The following GLI3 variants were observed in gnomAD, a reference collection of about 807,000 sequenced individuals.
The protein encoded by GLI3 is GLI family zinc finger 3, also known as transcription activator GLI3.
A neutral mutation model predicts 100.8 loss-of-function variants in GLI3; 20 were observed. The observed-to-expected ratio is 0.20, with a 90% CI of 0.14 to 0.29. The LOEUF (loss-of-function observed/expected upper bound fraction) is 0.29. GLI3 is among the 10% of genes least tolerant of loss of function. The probability of loss-of-function intolerance (pLI) is 1.00; values close to 1 mark genes in which losing one functional copy is unlikely to be tolerated. For missense variants in GLI3, 2,040 were observed against 2,128.5 expected, an observed-to-expected ratio of 0.96 and a Z score of 0.82; for synonymous variants, 938 against 860.5, an observed-to-expected ratio of 1.09 and a Z score of -1.58.
At chr7:41,977,933 GT>G (rs1318260242) in intron 11 of GLI3, 2 of 580,244 alleles carry the variant, frequency 3.4e-6, no homozygotes, top group Non-Finnish European at 3.0e-6. Context: ...GCCAGTAAAA[GT>G]CCTGAAGTTT....
intron 10 of GLI3, among the ~76,000 whole-genome samples, chr7:42,002,115 G>A (rs1399572909): frequency 2.0e-5 from 3 of 151,936 alleles, no homozygotes; most frequent in Non-Finnish European, 2.9e-5. Flanking sequence ...GGGAAGAATT[G>A]AGAGGGCACA....
chr7:42,033,722 T>C (rs1789359744), intron 7 of GLI3, among the ~76,000 whole-genome samples: 1 of 152,226 alleles, frequency 6.6e-6, no homozygotes, highest in African/African-American at 2.4e-5. Context: ...AGAACCATTT[T>C]TTTTTTCCAG....
chr7:42,198,562 T>C (rs547385582), intron 2 of GLI3, among the ~76,000 whole-genome samples: 7 of 152,254 alleles, frequency 4.6e-5, no homozygotes, highest in Non-Finnish European at 8.8e-5. Context: ...CTGTTTATTT[T>C]CCAAACACCC....
At chr7:42,114,118 T>A in intron 3 of GLI3, among the ~76,000 whole-genome samples, 1 of 152,222 alleles carries the variant, frequency 6.6e-6, no homozygotes, top group East Asian at 1.9e-4. Context: ...AGAGCAGTGG[T>A]TCCGTTTCTA....
intron 10 of GLI3, among the ~76,000 whole-genome samples, chr7:41,989,075 G>A (rs1379098626): frequency 2.6e-5 from 4 of 152,176 alleles, no homozygotes; most frequent in Admixed American, 1.3e-4. Flanking sequence ...TTTAAATATC[G>A]ACTTTGTTTC....
chr7:42,146,182 T>C (rs1786704028), intron 3 of GLI3, among the ~76,000 whole-genome samples: 1 of 152,166 alleles, frequency 6.6e-6, no homozygotes, highest in Admixed American at 6.5e-5. Context: ...TAACACTGAT[T>C]TGGACAATAT....
At chr7:42,231,657 A>C (rs1477844996) in intron 1 of GLI3, among the ~76,000 whole-genome samples, 1 of 152,296 alleles carries the variant, frequency 6.6e-6, no homozygotes. Context: ...TAAGGCTTCA[A>C]TCTTAAGCTG....
At chr7:42,059,676 C>T (rs1191052770) in intron 4 of GLI3, among the ~76,000 whole-genome samples, 1 of 152,128 alleles carries the variant, frequency 6.6e-6, no homozygotes, top group East Asian at 1.9e-4. Flanking sequence ...GTTGAATGGG[C>T]GATGGAGAGC....
chr7:42,071,984 A>G (rs576413131), intron 4 of GLI3, among the ~76,000 whole-genome samples: 99 of 151,980 alleles, frequency 6.5e-4, no homozygotes, highest in African/African-American at 1.8e-3. Context: ...TCAACAAAGA[A>G]AAAAAAAGGG....
At chr7:42,137,264 C>T (rs1250083409) in intron 3 of GLI3, among the ~76,000 whole-genome samples, 3 of 152,184 alleles carry the variant, frequency 2.0e-5, no homozygotes, top group Admixed American at 6.5e-5. Flanking sequence ...AAGTCACCTC[C>T]CTGATTCCAC....
At position 41,965,989 on chromosome 7, in the gene GLI3, G is replaced by C; in HGVS notation, c.3084C>G (p.Ser1028Arg). Reference protein sequence around the residue: ...LPRVPRFSSLSSCNPPAMATS... With the variant: ...LPRVPRFSSLRSCNPPAMATS... ...TGGCCATCGCCGGGGGGTTGCAGCT[G>C]CTGAGGCTGCTGAAGCGCGGCACAC... The change falls in exon 15 of 15, where the codon AGC becomes AGG. Residue 1028 changes from serine (S) to arginine (R), a missense_variant. Around this residue, in one of 5 missense-constraint regions of GLI3, gnomAD observed 1,041 missense variants for 924.0 expected, o/e 1.13. Transcript: ENST00000395925. 6.2e-7 allele frequency: 1 copy of C among 1,604,466 alleles called. No individual in the cohort carries two copies. The highest frequency in any genetic ancestry group is 1.1e-5 in the South Asian group (1 of 90,986).
chr7:42,121,411 A>G (rs1324932868), intron 3 of GLI3, among the ~76,000 whole-genome samples: 4 of 152,232 alleles, frequency 2.6e-5, no homozygotes, highest in African/African-American at 9.6e-5. Flanking sequence ...CAAATAGGCA[A>G]AAGTTTGGTG....
chr7:42,195,400 C>T (rs1248625846), intron 2 of GLI3, among the ~76,000 whole-genome samples: 3 of 152,194 alleles, frequency 2.0e-5, no homozygotes, highest in South Asian at 4.1e-4. Context: ...GCTTGATATA[C>T]AAGGTTCCCT....
rs1787033300 is a variant in GLI3, at chr7:41,962,379, A to G, written c.*1951T>C. 2 of 152,250 alleles carry G rather than the reference A, an allele frequency of 1.3e-5. No individual in the cohort carries two copies. Among genetic ancestry groups the G allele is most frequent in the Non-Finnish European group, 2.9e-5 (2 of 68,036 alleles). The allele number at this position is 152,250 out of a possible 1,614,324, so 9.4% of individuals were successfully genotyped here. On this transcript the variant is annotated 3_prime_UTR_variant, in exon 15 of 15. Transcript: ENST00000395925. Reference sequence around the variant, plus strand: ...GTGACAACATTATGCCTTGTTTCAGAAACACAGAGAAAGTCTTGCTTTTTC... The same window carrying G: ...GTGACAACATTATGCCTTGTTTCAGGAACACAGAGAAAGTCTTGCTTTTTC...
At chr7:42,016,466 C>T (rs1277374717) in intron 10 of GLI3, among the ~76,000 whole-genome samples, 3 of 152,200 alleles carry the variant, frequency 2.0e-5, no homozygotes, top group Non-Finnish European at 4.4e-5. Context: ...AATATCTTGA[C>T]ATTTTTCTCT....
In GLI3 at chr7:41,964,639, C is replaced by T; in HGVS notation, c.4434G>A (p.Glu1478=). 1.9e-6 allele frequency: 3 copies of T among 1,614,140 alleles called. No homozygotes were observed. The highest frequency in any genetic ancestry group is 1.3e-5 in the African/African-American group (1 of 75,070). The change falls in exon 15 of 15, where the codon GAG becomes GAA. Residue 1478 remains glutamate, a synonymous_variant. Transcript: ENST00000395925. Reference sequence around the variant, plus strand: ...CCTGATTAGCACCTGGGGAAAGTAACTCAGAGTTTTTGGCGCTGGTCCCCT... The same window carrying T: ...CCTGATTAGCACCTGGGGAAAGTAATTCAGAGTTTTTGGCGCTGGTCCCCT... The part of the protein sequence containing the change: ...LLQGTSAKNS[E]LLSPGANQVT...
At chr7:42,000,895 C>G (rs1160949163) in intron 10 of GLI3, among the ~76,000 whole-genome samples, 2 of 152,038 alleles carry the variant, frequency 1.3e-5, no homozygotes, top group Non-Finnish European at 2.9e-5. Context: ...TAAACCAGAC[C>G]TGAACTTCAC....
upstream of GLI3, among the ~76,000 whole-genome samples, chr7:42,239,884 G>T (rs1044848517): frequency 6.6e-6 from 1 of 152,204 alleles, no homozygotes; most frequent in South Asian, 2.1e-4. Flanking sequence ...CTGAGTGTGG[G>T]TTAAATAATG....
chr7:41,965,607 T>A lies in GLI3; in HGVS notation c.3466A>T (p.Thr1156Ser), dbSNP rs780349828. The change falls in exon 15 of 15, where the codon ACC (threonine) becomes TCC (serine). Residue 1156 changes from threonine (T) to serine (S), a missense_variant. Thr to Ser is a moderately conservative substitution (Grantham distance 58). Around this residue, in one of 5 missense-constraint regions of GLI3, gnomAD observed 1,041 missense variants for 924.0 expected, o/e 1.13. Transcript: ENST00000395925. ...LEQPCPEGSKTDLPIQWNEVS... is the reference protein window; with the variant it reads ...LEQPCPEGSKSDLPIQWNEVS... The stretch of plus-strand genomic sequence containing the variant: ...TCGTTCCACTGAATGGGCAGGTCGG[T>A]TTTGCTGCCCTCGGGGCAGGGCTGC... The A allele has an allele frequency of 1.2e-6, 2 of 1,607,034 alleles. No homozygotes were observed. Among genetic ancestry groups the A allele is most frequent in the Non-Finnish European group, 1.7e-6 (2 of 1,174,574 alleles).
Sources: gnomAD v4.1 joint callset for allele counts (sites outside exome capture counted in the v4.1 genomes callset) on GRCh38, gnomAD v4.1.1 for gene constraint, gnomAD v4.1.1 regional missense constraint, MANE v1.5 for transcripts, NCBI Gene and HGNC (gene_info 2026-07-23, HGNC 2026-07-21) for gene names.